LUZP4: variants seen among roughly 807,000 people sequenced by gnomAD.
LUZP4 encodes leucine zipper protein 4.
A neutral mutation model predicts 8.5 loss-of-function variants in LUZP4; 11 were observed. The ratio of observed to expected loss-of-function variants is 1.30; its 90% confidence interval spans 0.82 to 2.14. The LOEUF (loss-of-function observed/expected upper bound fraction) is 2.14, where lower values mean the gene tolerates loss of function less well. LUZP4 is among the 30% of genes most tolerant of loss of function. The pLI, the probability that LUZP4 is intolerant of heterozygous loss-of-function variation, is 0.00. For missense variants in LUZP4, 276 were observed against 229.7 expected, an observed-to-expected ratio of 1.20 and a Z score of -1.30; for synonymous variants, 104 against 79.4, an observed-to-expected ratio of 1.31 and a Z score of -1.65.
At chrX:115,299,209 G>A (rs1556600408) in intron 1 of LUZP4, among the ~76,000 whole-genome samples, 1 of 111,360 alleles carries the variant, frequency 9.0e-6, no homozygotes, top group East Asian at 2.9e-4. Flanking sequence ...CACCCCTGTG[G>A]CCGCCACCAC....
intron 1 of LUZP4, among the ~76,000 whole-genome samples, chrX:115,293,515 C>T (rs1262188911): frequency 1.8e-5 from 2 of 110,717 alleles, no homozygotes; most frequent in Non-Finnish European, 3.8e-5. Context: ...TGGGCTCAAG[C>T]GATCCATCCA....
intron 1 of LUZP4, among the ~76,000 whole-genome samples, chrX:115,292,916 C>T (rs2073354704): frequency 9.0e-6 from 1 of 111,049 alleles, no homozygotes; most frequent in Non-Finnish European, 1.9e-5. Context: ...ATTTCCTCTT[C>T]TAAGACATGG....
chrX:115,290,323 C>A lies in LUZP4; in HGVS notation c.91+473C>A, dbSNP rs183981129. 2.7e-5 allele frequency among the ~76,000 whole-genome samples: 3 copies of A among 110,956 alleles called. No individual in the cohort carries two copies. The East Asian group carries it at 8.6e-4, about 32-fold the overall frequency. On this transcript the variant is annotated intron_variant, in intron 1 of 3. Transcript: ENST00000371920. ...TAGGCTATTTTACTAGGGATCCCGG[C>A]GTGGTAGTGCTAGGAGTTGTTGGTG...
chrX:115,304,860 A>G (rs2073413479), intron 3 of LUZP4, among the ~76,000 whole-genome samples: 1 of 111,789 alleles, frequency 8.9e-6, no homozygotes, highest in Non-Finnish European at 1.9e-5. Context: ...TCACCAATAA[A>G]TTGAATAATT....
intron 1 of LUZP4, among the ~76,000 whole-genome samples, chrX:115,290,560 A>G (rs1239943077): frequency 1.8e-5 from 2 of 111,636 alleles, no homozygotes; most frequent in Non-Finnish European, 3.8e-5. Context: ...CACCAAACCC[A>G]GAAAAAGTGG....
intron 1 of LUZP4, among the ~76,000 whole-genome samples, chrX:115,290,479 G>C (rs975937904): frequency 4.5e-5 from 5 of 111,449 alleles, no homozygotes; most frequent in Non-Finnish European, 9.4e-5. Flanking sequence ...TCTAACCTGA[G>C]ACCTCTACAC....
chrX:115,289,880 T>C (rs1556595963), intron 1 of LUZP4, 30 bp downstream of exon 1: 1 of 1,061,701 alleles, frequency 9.4e-7, no homozygotes, highest in East Asian at 3.1e-5. Context: ...CAGTCTCCAC[T>C]AGTTTGGGCT....
chrX:115,306,598 A>C lies in LUZP4; in HGVS notation c.736A>C (p.Ile246Leu). 3.3e-6 allele frequency: 4 copies of C among 1,210,043 alleles called. No homozygotes were observed. The highest frequency in any genetic ancestry group is 4.5e-6 in the Non-Finnish European group (4 of 895,205). ...GDLVDTQSDL[I>L]ATQRDLIATQ... Reference sequence around the variant, plus strand: ...TCTTGTGGACACTCAGAGTGATCTCATAGCCACTCAGAGAGATCTCATAGC... The same window carrying C: ...TCTTGTGGACACTCAGAGTGATCTCCTAGCCACTCAGAGAGATCTCATAGC... The change falls in exon 4 of 4, where the codon ATA (isoleucine) becomes CTA (leucine). Residue 246 changes from isoleucine (I) to leucine (L), a missense_variant. Coordinates refer to ENST00000371920, the MANE Select transcript of LUZP4 (RefSeq NM_016383.5).
intron 1 of LUZP4, among the ~76,000 whole-genome samples, chrX:115,296,929 TATTG>T (rs1425828206): frequency 1.8e-4 from 20 of 112,036 alleles, no homozygotes; most frequent in Non-Finnish European, 3.0e-4. Flanking sequence ...TTTTTCTTAT[TATTG>T]TAATTGTTTA....
intron 1 of LUZP4, 136 bp from the exon 2 acceptor site, chrX:115,301,856 T>C (rs782028537): frequency 6.0e-6 from 2 of 333,861 alleles, no homozygotes; most frequent in Non-Finnish European, 1.0e-5. Context: ...AACAAATTTA[T>C]TATTATTATT....
chrX:115,295,092 T>A (rs1285079325), intron 1 of LUZP4, among the ~76,000 whole-genome samples: 2 of 111,507 alleles, frequency 1.8e-5, no homozygotes, highest in African/African-American at 6.5e-5. Context: ...TTTTATTTAA[T>A]TTTTTGAGAC....
Position 115,303,369 on chromosome X carries a change from G to A in LUZP4, c.293G>A (p.Gly98Glu). 1.7e-6 allele frequency: 2 copies of A among 1,198,869 alleles called. No individual in the cohort carries two copies. The highest frequency in any genetic ancestry group is 2.2e-6 in the Non-Finnish European group (2 of 888,941). The change falls in exon 3 of 4, where the codon GGA becomes GAA. Residue 98 changes from glycine to glutamate, a missense_variant. Physicochemically the swap from Gly to Glu is moderately conservative, Grantham distance 98. Transcript: ENST00000371920. ...AAAAAACCATCCCAAAAACCTTCTGGATTCAAGTCTGGACAACACCCTTTA... is the reference window on the plus strand; with the variant it reads ...AAAAAACCATCCCAAAAACCTTCTGAATTCAAGTCTGGACAACACCCTTTA... ...HDKKPSQKPS[G>E]FKSGQHPLNG... is the part of the protein sequence containing the mutation.
intron 1 of LUZP4, among the ~76,000 whole-genome samples, chrX:115,300,175 C>A (rs782235786): frequency 9.0e-6 from 1 of 111,610 alleles, no homozygotes; most frequent in South Asian, 3.8e-4. Context: ...GATGCCACCA[C>A]TCCCTTGGCT....
At position 115,306,894 on chromosome X, in the gene LUZP4, A is replaced by G; in HGVS notation, c.*90A>G. 1 of 847,512 alleles carries G rather than the reference A, an allele frequency of 1.2e-6. No homozygotes were observed. Among genetic ancestry groups the G allele is most frequent in the Non-Finnish European group, 1.7e-6 (1 of 590,115 alleles). 69.8% of individuals were successfully genotyped at this position (847,512 alleles called of 1,213,427 possible). On this transcript the variant is annotated 3_prime_UTR_variant, in exon 4 of 4. Coordinates refer to ENST00000371920, the MANE Select transcript of LUZP4 (RefSeq NM_016383.5). ...AATATGTATTTGTTGAAACATGTATATTGGGACAAAGACATAAATATTAGA... is the reference window on the plus strand; with the variant it reads ...AATATGTATTTGTTGAAACATGTATGTTGGGACAAAGACATAAATATTAGA...
At chrX:115,302,351 G>A (rs2073401396) in intron 2 of LUZP4, among the ~76,000 whole-genome samples, 1 of 111,835 alleles carries the variant, frequency 8.9e-6, no homozygotes, top group African/African-American at 3.2e-5. Context: ...TGGAGAGTGG[G>A]ATAAAAAAAG....
In LUZP4 at chrX:115,306,462, A is replaced by G. The variant is rs2232736; in HGVS notation, c.600A>G (p.Gln200=). The change falls in exon 4 of 4, where the codon CAA becomes CAG. Residue 200 remains glutamine, a synonymous_variant. Transcript: ENST00000371920. ...SHGQYKRSHG[Q]SERSHGHSER... ...GCCAATACAAGAGATCTCATGGTCA[A>G]TCTGAGAGATCTCATGGCCACTCAG... The G allele has an allele frequency of 0.091, 109,884 of 1,208,958 alleles. 3,629 individuals carry two copies. The highest frequency in any genetic ancestry group is 0.1 in the Non-Finnish European group (89,653 of 894,824).
At chrX:115,301,617 T>G (rs1283471218) in intron 1 of LUZP4, among the ~76,000 whole-genome samples, 2 of 112,429 alleles carry the variant, frequency 1.8e-5, no homozygotes, top group African/African-American at 6.5e-5. Context: ...TAATTGCTGA[T>G]TTACATTTAT....
chrX:115,295,479 T>TA (rs2073366974), intron 1 of LUZP4, among the ~76,000 whole-genome samples: 1 of 60,224 alleles, frequency 1.7e-5, no homozygotes. Flanking sequence ...TCCTGATAAA[T>TA]TTCCCCATGT....
In LUZP4 at chrX:115,292,122, T is replaced by C. The variant is rs187102631; in HGVS notation, c.91+2272T>C. On this transcript the variant is annotated intron_variant, in intron 1 of 3. Transcript: ENST00000371920. ...TATAGTGTCCTTTGAAGTCCCGAAG[T>C]TTCAGAATTTGATAAAATACAATTT... 3.8e-3 allele frequency among the ~76,000 whole-genome samples: 423 copies of C among 112,261 alleles called. 4 individuals are homozygous for C. The highest frequency in any genetic ancestry group is 6.2e-3 in the Non-Finnish European group (328 of 53,242).
Sources: allele counts gnomAD v4.1 joint callset (sites outside exome capture counted in the v4.1 genomes callset), GRCh38; gene constraint gnomAD v4.1.1; transcripts MANE v1.5; gene names NCBI Gene and HGNC (gene_info 2026-07-23, HGNC 2026-07-21).